Variants in CALM2 observed in about 807,000 individuals in gnomAD.
CALM2 encodes calmodulin 2.
In CALM2, 2 loss-of-function variants were observed where a neutral mutation model predicts 19.8. The observed-to-expected ratio is 0.10, with a 90% CI of 0.04 to 0.32. CALM2 has a LOEUF of 0.32. Among genes scored for constraint, CALM2 ranks in the 10% least tolerant of loss-of-function variants. The pLI, the probability that CALM2 is intolerant of heterozygous loss-of-function variation, is 1.00. For synonymous variants in CALM2, 51 were observed against 52.1 expected, an observed-to-expected ratio of 0.98 and a Z score of 0.09; for missense variants, 38 against 178.7, an observed-to-expected ratio of 0.21 and a Z score of 4.49.
At chr2:47,170,987 G>T in intron 1 of CALM2, 1 of 494,636 alleles carries the variant, frequency 2.0e-6, no homozygotes, top group South Asian at 3.1e-5. Context: ...GAATATTTTT[G>T]AAAATATACT....
At chr2:47,162,022 A>T (rs960088136) in intron 4 of CALM2, among the ~76,000 whole-genome samples, 164 bp from the exon 5 acceptor site, 3 of 152,172 alleles carry the variant, frequency 2.0e-5, no homozygotes, top group Non-Finnish European at 4.4e-5. Context: ...AGAGCCAAGC[A>T]AAATGTCCTA....
intron 5 of CALM2, among the ~76,000 whole-genome samples, chr2:47,161,467 G>A (rs1192024126): frequency 6.6e-6 from 1 of 152,144 alleles, no homozygotes; most frequent in Non-Finnish European, 1.5e-5. Flanking sequence ...AATCACCCAA[G>A]AATCCTATTA....
intron 2 of CALM2, among the ~76,000 whole-genome samples, chr2:47,170,504 A>T (rs1373514929): frequency 2.6e-5 from 4 of 152,230 alleles, no homozygotes; most frequent in Non-Finnish European, 2.9e-5. Context: ...ATATCCACGC[A>T]GACTAAAATA....
chr2:47,163,314 ATG>A (rs1277493081), intron 2 of CALM2: 1 of 152,232 alleles, frequency 6.6e-6, no homozygotes, highest in African/African-American at 2.4e-5. Flanking sequence ...TTTTAGCTAA[ATG>A]CATGTCACTG....
At chr2:47,176,612 C>A (rs956259951), upstream of CALM2, 5 of 1,526,354 alleles carry the variant, frequency 3.3e-6, no homozygotes, top group African/African-American at 4.1e-5. Context: ...TCCCGGCCAA[C>A]CCCCTCCCCT....
At chr2:47,160,849 CCAAAAAA>C in intron 5 of CALM2, 45 bp from the exon 6 acceptor site, 1 of 342,430 alleles carries the variant, frequency 2.9e-6, no homozygotes, top group Non-Finnish European at 4.2e-6. Context: ...TAGCAAAAGA[CCAAAAAA>C]AAAAAAAAAA....
intron 2 of CALM2, among the ~76,000 whole-genome samples, chr2:47,166,749 T>C (rs943524023): frequency 6.6e-6 from 1 of 152,192 alleles, no homozygotes; most frequent in Non-Finnish European, 1.5e-5. Flanking sequence ...AAGCATATAA[T>C]TCTAAACTGT....
intron 1 of CALM2, chr2:47,176,238 G>C (rs578107297): frequency 6.6e-6 from 4 of 607,816 alleles, no homozygotes; most frequent in African/African-American, 3.7e-5. Flanking sequence ...CAACTCACTA[G>C]AGGAAGCCCC....
chr2:47,169,360 A>C (rs550562926), intron 2 of CALM2, among the ~76,000 whole-genome samples: 1 of 151,932 alleles, frequency 6.6e-6, no homozygotes, highest in Non-Finnish European at 1.5e-5. Flanking sequence ...GGGTCTCACT[A>C]TGTTGCCCAG....
chr2:47,175,038 G>C (rs1042769173), intron 1 of CALM2, among the ~76,000 whole-genome samples: 19 of 145,252 alleles, frequency 1.3e-4, no homozygotes, highest in African/African-American at 4.3e-4. Flanking sequence ...CTTGGCAGGA[G>C]GAACCACAAA....
chr2:47,173,463 T>C (rs1010159595), intron 1 of CALM2: 1 of 152,172 alleles, frequency 6.6e-6, no homozygotes, highest in Non-Finnish European at 1.5e-5. Flanking sequence ...ACTCTCAGGT[T>C]CCTCCCTAGA....
At chr2:47,165,253 G>C (rs897158703) in intron 2 of CALM2, among the ~76,000 whole-genome samples, 4 of 152,214 alleles carry the variant, frequency 2.6e-5, no homozygotes, top group African/African-American at 9.7e-5. Context: ...TACTGGGTTA[G>C]AATTTCCTAG....
At chr2:47,176,531 C>G (rs752513204), upstream of CALM2, 1 of 1,584,868 alleles carries the variant, frequency 6.3e-7, no homozygotes. Flanking sequence ...CCTCCGCCCC[C>G]AGCGCCTCAT....
chr2:47,175,873 G>GCCGC (rs1054076271), intron 1 of CALM2, among the ~76,000 whole-genome samples: 15 of 147,888 alleles, frequency 1.0e-4, no homozygotes, highest in East Asian at 3.9e-4. Context: ...CACACAGCGC[G>GCCGC]CCGCCCGCCC....
chr2:47,176,469 A>G lies in CALM2; in HGVS notation c.-26T>C, dbSNP rs767123157. 36 of 1,613,550 alleles carry G rather than the reference A, an allele frequency of 2.2e-5. No homozygotes were observed. The highest frequency in any genetic ancestry group is 8.0e-5 in the African/African-American group (6 of 74,842). On this transcript the variant is annotated 5_prime_UTR_variant, in exon 1 of 6. Transcript: ENST00000272298. ...GCTGCAAGCGCTACCGGTTTCCGAG[A>G]CGCGACCACACAACCACTCAGCTCG...
At chr2:47,168,603 C>T (rs1035458750) in intron 2 of CALM2, among the ~76,000 whole-genome samples, 1 of 151,976 alleles carries the variant, frequency 6.6e-6, no homozygotes, top group Non-Finnish European at 1.5e-5. Flanking sequence ...CCAGGTGGTG[C>T]ATGCCTCTAA....
At chr2:47,162,875 G>A in intron 2 of CALM2, 2 of 469,980 alleles carry the variant, frequency 4.3e-6, no homozygotes, top group Non-Finnish European at 7.6e-6. Flanking sequence ...CAATTGAAAT[G>A]TGACTTTGAC....
chr2:47,163,768 A>G (rs563989226), intron 2 of CALM2: 1 of 152,358 alleles, frequency 6.6e-6, no homozygotes, highest in African/African-American at 2.4e-5. Context: ...GATTACATGG[A>G]AACCTCCTGC....
At chr2:47,164,692 A>C (rs1666404895) in intron 2 of CALM2, among the ~76,000 whole-genome samples, 1 of 152,244 alleles carries the variant, frequency 6.6e-6, no homozygotes, top group African/African-American at 2.4e-5. Context: ...TTTTCCAAGT[A>C]AGTCATTTCC....
Sources: allele counts gnomAD v4.1 joint callset (sites outside exome capture counted in the v4.1 genomes callset), GRCh38; gene constraint gnomAD v4.1.1; transcripts MANE v1.5; gene names NCBI Gene and HGNC (gene_info 2026-07-23, HGNC 2026-07-21).